The following AFDN variants were observed in gnomAD, a reference collection of about 807,000 sequenced individuals.
AFDN encodes the protein afadin, adherens junction formation factor, also known as afadin.
Under a neutral mutation model 216.6 loss-of-function variants are expected in AFDN, and 68 were observed. The ratio of observed to expected loss-of-function variants is 0.31; its 90% confidence interval spans 0.26 to 0.38. AFDN has a LOEUF of 0.38. Among genes scored for constraint, AFDN ranks in the 10% least tolerant of loss-of-function variants. The pLI is 1.00. For missense variants in AFDN, 2,136 were observed against 2,342.0 expected (o/e 0.91, Z 1.82); for synonymous variants, 868 against 853.7 (o/e 1.02, Z -0.29).
chr6:167,902,311 C>A lies in AFDN; in HGVS notation c.1581-6C>A. Reference sequence around the variant, plus strand: ...AGTCAGTGTGTTTCTTGTTTTATCCCATCAGAATTGTTCAGGAGACAACTT... The same window carrying A: ...AGTCAGTGTGTTTCTTGTTTTATCCAATCAGAATTGTTCAGGAGACAACTT... On this transcript the variant is annotated splice_polypyrimidine_tract_variant and splice_region_variant and intron_variant, in intron 11 of 33. Coordinates refer to ENST00000683244, the MANE Select transcript of AFDN (RefSeq NM_001386888.1). The A allele has an allele frequency of 6.2e-7, 1 of 1,607,018 alleles. No individual in the cohort carries two copies. The highest frequency in any genetic ancestry group is 1.1e-5 in the South Asian group (1 of 90,836).
chr6:167,834,457 GTTTT>G (rs11446838), intron 1 of AFDN, among the ~76,000 whole-genome samples: 3 of 75,254 alleles, frequency 4.0e-5, no homozygotes, highest in Admixed American at 2.0e-4. Context: ...TGTTGTTTCG[GTTTT>G]TTTTTTTTTT....
At chr6:167,864,219 A>C in intron 1 of AFDN, 1 of 536,172 alleles carries the variant, frequency 1.9e-6, no homozygotes, top group South Asian at 1.4e-5. Context: ...AAATAATAGT[A>C]TCTGTTGAGC....
chr6:167,872,518 C>T lies in AFDN; in HGVS notation c.578+141C>T, dbSNP rs950973608. 4.5e-6 allele frequency: 4 copies of T among 896,726 alleles called. No individual in the cohort carries two copies. The African/African-American group carries it at 6.7e-5, about 15-fold the overall frequency. 55.5% of individuals were successfully genotyped at this position (896,726 alleles called of 1,614,324 possible). A position where few individuals can be genotyped will look rare whatever the true frequency, so the allele number is the denominator to read the frequency against. The stretch of plus-strand genomic sequence containing the variant: ...AATGTGTTTGGGTCTACTCCCAGCT[C>T]TTCTGTGTGGAGGGAGGATAGAGGG... On this transcript the variant is annotated intron_variant, in intron 4 of 33. Transcript: ENST00000683244.
At chr6:167,925,121 C>T (rs774299960) in intron 23 of AFDN, 30 bp downstream of exon 23, 2 of 1,489,612 alleles carry the variant, frequency 1.3e-6, no homozygotes, top group East Asian at 2.3e-5. Flanking sequence ...GCGAGTTGTT[C>T]TCTCCAGTCT....
chr6:167,965,627 AC>A, intron 31 of AFDN, 129 bp from the exon 32 acceptor site: 1 of 821,958 alleles, frequency 1.2e-6, no homozygotes, highest in East Asian at 2.7e-5. Flanking sequence ...TGCTTCTGTT[AC>A]ATAGTAATTG....
intron 27 of AFDN, among the ~76,000 whole-genome samples, chr6:167,947,312 T>A (rs1408464045): frequency 6.6e-6 from 1 of 152,120 alleles, no homozygotes; most frequent in African/African-American, 2.4e-5. Context: ...CCCGAGTGGC[T>A]GGGACTATGG....
chr6:167,826,571 ACCGCGCGTCCG>A, upstream of AFDN: 1 of 520,650 alleles, frequency 1.9e-6, no homozygotes, highest in Non-Finnish European at 3.9e-6. Flanking sequence ...CGGACTCTGC[ACCGCGCGTCCG>A]GACCCAACAC....
At chr6:167,957,052 C>G (rs1796592062) in intron 30 of AFDN, among the ~76,000 whole-genome samples, 1 of 152,216 alleles carries the variant, frequency 6.6e-6, no homozygotes, top group Non-Finnish European at 1.5e-5. Flanking sequence ...CTCCAGCCTG[C>G]CTGCCTGCCT....
intron 15 of AFDN, 133 bp downstream of exon 15, chr6:167,911,622 G>A (rs1051669871): frequency 1.3e-6 from 1 of 755,574 alleles, no homozygotes; most frequent in South Asian, 1.8e-5. Context: ...TGTAAATATT[G>A]TAGGAAAATG....
chr6:167,950,793 A>T (rs1222937244), intron 29 of AFDN, among the ~76,000 whole-genome samples: 1 of 150,982 alleles, frequency 6.6e-6, no homozygotes, highest in African/African-American at 2.4e-5. Context: ...GAGGAGGATG[A>T]GGATGGGCAC....
intron 31 of AFDN, chr6:167,964,709 G>A: frequency 9.5e-7 from 1 of 1,055,310 alleles, no homozygotes; most frequent in Non-Finnish European, 1.1e-6. Flanking sequence ...TTGAAAACAG[G>A]GACTAACAAC....
Position 167,969,138 on chromosome 6 carries a change from C to A in AFDN, c.5282C>A (p.Thr1761Asn), listed in dbSNP as rs777203193. Residue 1761 changes from threonine (T) to asparagine (N), a missense_variant, in exon 33 of 34, where the codon ACT (threonine) becomes AAT (asparagine). By Grantham distance (65) the Thr-to-Asn change is moderately conservative. This residue lies in a region of AFDN where 981 missense variants were observed against 966.0 expected (regional missense o/e 1.02). Coordinates refer to ENST00000683244, the MANE Select transcript of AFDN (RefSeq NM_001386888.1). ...GGACCAAACTCTTACCCAGGATCTA[C>A]TGGAGCAGCTGTTGGAGCCCATGAC... Reference protein sequence around the residue: ...LAGPNSYPGSTGAAVGAHDAC... With the variant: ...LAGPNSYPGSNGAAVGAHDAC... 2 of 1,613,934 alleles carry A rather than the reference C, an allele frequency of 1.2e-6. No homozygotes were observed. Among genetic ancestry groups the A allele is most frequent in the Non-Finnish European group, 1.7e-6 (2 of 1,179,794 alleles).
intron 6 of AFDN, among the ~76,000 whole-genome samples, chr6:167,885,709 G>A (rs1159931474): frequency 6.6e-6 from 1 of 152,246 alleles, no homozygotes; most frequent in East Asian, 1.9e-4. Context: ...AGTGAGCAAT[G>A]CTGTTGGAAA....
intron 29 of AFDN, among the ~76,000 whole-genome samples, chr6:167,950,457 CAT>C (rs1430007773): frequency 3.9e-5 from 6 of 152,050 alleles, no homozygotes; most frequent in African/African-American, 1.4e-4. Flanking sequence ...CACACACACA[CAT>C]ACCCCTACCT....
intron 1 of AFDN, among the ~76,000 whole-genome samples, chr6:167,853,819 A>G (rs1782585185): frequency 6.6e-6 from 1 of 152,068 alleles, no homozygotes; most frequent in African/African-American, 2.4e-5. Flanking sequence ...GTTTTGCCCT[A>G]ACTCTTAATG....
chr6:167,950,527 G>A (rs1309815606), intron 29 of AFDN, among the ~76,000 whole-genome samples: 1 of 152,120 alleles, frequency 6.6e-6, no homozygotes, highest in Non-Finnish European at 1.5e-5. Flanking sequence ...TGGAGCGGAC[G>A]TATCGCAGAT....
At chr6:167,913,556 A>G in intron 16 of AFDN, 133 bp downstream of exon 16, 1 of 807,804 alleles carries the variant, frequency 1.2e-6, no homozygotes, top group Non-Finnish European at 2.0e-6. Context: ...TGAGACATGC[A>G]GTACTAAAAC....
rs1788754989 is a variant in AFDN at position 167,900,111 on chromosome 6, AC to A, written c.1580+1645del. On this transcript the variant is annotated intron_variant, in intron 11 of 33. Coordinates refer to ENST00000683244, the MANE Select transcript of AFDN (RefSeq NM_001386888.1). ...GGAGAATGTGCTGTGAAATTTTGTT[AC>A]TATTGTTAGGTATTTTTCTGGCAAA... Among the ~76,000 whole-genome samples, 5 of 152,302 alleles carry A rather than the reference AC, an allele frequency of 3.3e-5. No homozygotes were observed. In the South Asian group the frequency reaches 1.0e-3, roughly 32 times the overall value.
chr6:167,869,649 GC>G, intron 2 of AFDN, among the ~76,000 whole-genome samples: 1 of 152,224 alleles, frequency 6.6e-6, no homozygotes, highest in South Asian at 2.1e-4. Flanking sequence ...CTTCAGTGCC[GC>G]CTTTTTTCCA....
Sources: gnomAD v4.1 joint callset for allele counts (sites outside exome capture counted in the v4.1 genomes callset) on GRCh38, gnomAD v4.1.1 for gene constraint, gnomAD v4.1.1 regional missense constraint, MANE v1.5 for transcripts, NCBI Gene and HGNC (gene_info 2026-07-23, HGNC 2026-07-21) for gene names.